The following CDH23 variants were observed in gnomAD, a reference collection of about 807,000 sequenced individuals.
CDH23 encodes the protein cadherin-23.
In CDH23, 189 loss-of-function variants were observed where a neutral mutation model predicts 317.1. The observed-to-expected ratio is 0.60, with a 90% CI of 0.53 to 0.67. The LOEUF (loss-of-function observed/expected upper bound fraction) is 0.67. Ranked by LOEUF, CDH23 falls within the 30% of genes least tolerant of loss-of-function variation. The pLI is 0.00. For synonymous variants in CDH23, 1,839 were observed against 1,876.8 expected (o/e 0.98, Z 0.52); for missense variants, 4,401 against 4,592.4 (o/e 0.96, Z 1.20).
At chr10:71,731,081 G>T (rs940362082) in intron 31 of CDH23, among the ~76,000 whole-genome samples, 9 of 152,352 alleles carry the variant, frequency 5.9e-5, no homozygotes, top group African/African-American at 2.2e-4. Context: ...TAGCCTGAAG[G>T]CAGCCTGAAC....
chr10:71,450,945 G>T lies in CDH23; in HGVS notation c.145+4550G>T, dbSNP rs143291813. On this transcript the variant is annotated intron_variant, in intron 3 of 69. Transcript: ENST00000224721. ...TCTCTACTCAACATTTCTGCCTGAT[G>T]TCTAAAGGGACATTTTCATCCTCAG... Among the ~76,000 whole-genome samples the T allele has an allele frequency of 3.7e-3, 559 of 152,232 alleles. 4 individuals carry two copies. The highest frequency in any genetic ancestry group is 0.013 in the African/African-American group (543 of 41,526).
Position 71,813,342 on chromosome 10 carries a change from C to G in CDH23, c.9732C>G (p.Ile3244Met). The G allele has an allele frequency of 6.4e-7, 1 of 1,551,592 alleles. No individual in the cohort carries two copies. The highest frequency in any genetic ancestry group is 8.7e-7 in the Non-Finnish European group (1 of 1,146,934). Residue 3244 changes from isoleucine (I) to methionine (M), a missense_variant, in exon 69 of 70, where the codon ATC becomes ATG. Physicochemically the swap from Ile to Met is conservative, Grantham distance 10. Coordinates refer to ENST00000224721, the MANE Select transcript of CDH23 (RefSeq NM_022124.6). The part of the protein sequence containing the change: ...VQKASSCHSS[I>M]SELIQTELDE... ...AAGCCTCCTCCTGCCACTCCTCCAT[C>G]TCTGAGGTAGCCGGCTGGGTGGCTG...
At chr10:71,607,793 C>T (rs2132493582) in intron 9 of CDH23, among the ~76,000 whole-genome samples, 1 of 152,292 alleles carries the variant, frequency 6.6e-6, no homozygotes, top group South Asian at 2.1e-4. Context: ...GTCCCAGCTA[C>T]TAGGGAGGCT....
At chr10:71,579,112 T>G (rs1205744989) in intron 9 of CDH23, among the ~76,000 whole-genome samples, 1 of 152,182 alleles carries the variant, frequency 6.6e-6, no homozygotes, top group Non-Finnish European at 1.5e-5. Flanking sequence ...AGTTAACGTA[T>G]GTAAAGTACC....
At chr10:71,696,848 C>T (rs1247209876) in intron 22 of CDH23, among the ~76,000 whole-genome samples, 1 of 152,222 alleles carries the variant, frequency 6.6e-6, no homozygotes, top group African/African-American at 2.4e-5. Flanking sequence ...CCAGGACCCT[C>T]GCCCTTTGAC....
intron 3 of CDH23, among the ~76,000 whole-genome samples, chr10:71,463,874 T>C (rs1215676271): frequency 1.3e-5 from 2 of 152,244 alleles, no homozygotes; most frequent in Admixed American, 1.3e-4. Flanking sequence ...GCCACTTCTT[T>C]GTAAGGAAGG....
At position 71,726,083 on chromosome 10, in the gene CDH23, G is replaced by A. The variant is rs149843104; in HGVS notation, c.3579+563G>A. 1.1e-3 allele frequency among the ~76,000 whole-genome samples: 171 copies of A among 152,170 alleles called. 1 individual carries two copies. Among genetic ancestry groups the A allele is most frequent in the African/African-American group, 3.8e-3 (159 of 41,506 alleles). ...AAATCAAATCAGCCTTAGTCCTCCC[G>A]AATGGCTGAAAACCTACACACAGAT... is the stretch of plus-strand genomic sequence containing the variant. On this transcript the variant is annotated intron_variant, in intron 30 of 69. Transcript: ENST00000224721.
At chr10:71,552,534 A>C (rs2132318625) in intron 6 of CDH23, among the ~76,000 whole-genome samples, 1 of 152,336 alleles carries the variant, frequency 6.6e-6, no homozygotes, top group East Asian at 1.9e-4. Context: ...GAAAAAAAAC[A>C]GGAAAGGGAG....
At chr10:71,579,794 T>C (rs148939746) in intron 9 of CDH23, among the ~76,000 whole-genome samples, 7 of 152,204 alleles carry the variant, frequency 4.6e-5, no homozygotes, top group African/African-American at 1.7e-4. Flanking sequence ...TTTTGCAAAT[T>C]GAGACACAGA....
Position 71,682,320 on chromosome 10 carries a change from A to G in CDH23, c.1859-125A>G, listed in dbSNP as rs1204005329. ...CGAGATGTTGAGGCTCCAGGTGTTC[A>G]GAAAACAAGCCAGAGCTGGCCCGGG... On this transcript the variant is annotated intron_variant, in intron 17 of 69. Coordinates refer to ENST00000224721, the MANE Select transcript of CDH23 (RefSeq NM_022124.6). 7.7e-6 allele frequency: 10 copies of G among 1,302,368 alleles called. No individual in the cohort carries two copies. In the South Asian group the frequency reaches 1.4e-4, roughly 18 times the overall value. The allele number at this position is 1,302,368 out of a possible 1,614,324, so 80.7% of individuals were successfully genotyped here.
chr10:71,614,784 G>C (rs1861094171), intron 9 of CDH23, among the ~76,000 whole-genome samples: 1 of 152,156 alleles, frequency 6.6e-6, no homozygotes, highest in African/African-American at 2.4e-5. Context: ...TAGTGATCTG[G>C]AGAAACCCAA....
chr10:71,815,335 G>C lies in CDH23; in HGVS notation c.*57G>C. The C allele has an allele frequency of 2.0e-6, 3 of 1,466,862 alleles. No homozygotes were observed. In the South Asian group the frequency reaches 4.2e-5, roughly 20 times the overall value. 90.9% of individuals were successfully genotyped at this position (1,466,862 alleles called of 1,614,324 possible). On this transcript the variant is annotated 3_prime_UTR_variant, in exon 70 of 70. Transcript: ENST00000224721. ...CACCCATCCACCGTCCCCTCCCAGG[G>C]AGCAAGGGCAGGGACAGGGCCGGTC... is the stretch of plus-strand genomic sequence containing the variant.
At chr10:71,717,578 T>C (rs1040537948) in intron 28 of CDH23, 4 of 152,266 alleles carry the variant, frequency 2.6e-5, no homozygotes, top group African/African-American at 9.7e-5. Flanking sequence ...TCTGGGGTTG[T>C]AATAAAAATG....
intron 38 of CDH23, among the ~76,000 whole-genome samples, chr10:71,774,051 G>GCGCGCA (rs1491406336): frequency 4.5e-5 from 4 of 88,456 alleles, no homozygotes; most frequent in African/African-American, 3.6e-5. Flanking sequence ...ATGCGCGCGC[G>GCGCGCA]CACACACACA....
chr10:71,464,931 C>T (rs1014306228), intron 3 of CDH23, among the ~76,000 whole-genome samples: 1 of 152,166 alleles, frequency 6.6e-6, no homozygotes, highest in Non-Finnish European at 1.5e-5. Context: ...TTATGGAGGG[C>T]CAATTAGGTG....
Position 71,751,256 on chromosome 10 carries a change from G to A in CDH23, c.4845+9335G>A, listed in dbSNP as rs1177149274. The A allele has an allele frequency of 6.2e-7, 1 of 1,609,528 alleles. No individual in the cohort carries two copies. The highest frequency in any genetic ancestry group is 8.5e-7 in the Non-Finnish European group (1 of 1,177,582). On this transcript the variant is annotated intron_variant, in intron 38 of 69. Coordinates refer to ENST00000224721, the MANE Select transcript of CDH23 (RefSeq NM_022124.6). The surrounding 1 kb of genome is among the most constrained non-coding windows in gnomAD (Gnocchi z 4.9). ...AGCCCACTGTCCCCCAGCTGGGCTA[G>A]ATGACCTCAAAGTTTGGAGAGTCAG...
At chr10:71,800,832 G>A (rs1589429635) in intron 53 of CDH23, 77 bp downstream of exon 53, 9 of 1,557,938 alleles carry the variant, frequency 5.8e-6, no homozygotes, top group Non-Finnish European at 7.8e-6. Flanking sequence ...CTAGCAAGTG[G>A]ACTGCTGCAG....
intron 3 of CDH23, among the ~76,000 whole-genome samples, chr10:71,490,707 G>A (rs192710407): frequency 3.8e-4 from 58 of 152,338 alleles, no homozygotes; most frequent in Non-Finnish European, 6.9e-4. Context: ...AGTAACGACT[G>A]ACACTTATTG....
rs929416134 is a variant in CDH23, at chr10:71,510,992, C to A, written c.327C>A (p.Asp109Glu). ...TCACCGTGGAGTTCTCTGTCAGCGA[C>A]CACCAGGGGGTGAGTGTTCCCTGGG... Reference protein sequence around the residue: ...SEFTVEFSVSDHQGVITRKVN... With the variant: ...SEFTVEFSVSEHQGVITRKVN... Residue 109 changes from aspartate (D) to glutamate (E), a missense_variant, in exon 5 of 70, where the codon GAC becomes GAA. Around this residue, in one of 3 missense-constraint regions of CDH23, gnomAD observed 3,068 missense variants for 3,203.3 expected, o/e 0.96. Transcript: ENST00000224721. 4 of 1,613,810 alleles carry A rather than the reference C, an allele frequency of 2.5e-6. No homozygotes were observed. Among genetic ancestry groups the A allele is most frequent in the South Asian group, 2.2e-5 (2 of 91,082 alleles).
Sources: allele counts gnomAD v4.1 joint callset (sites outside exome capture counted in the v4.1 genomes callset), GRCh38; gene constraint gnomAD v4.1.1; regional missense constraint gnomAD v4.1.1; non-coding constraint Gnocchi (gnomAD v3.1); transcripts MANE v1.5; gene names NCBI Gene and HGNC (gene_info 2026-07-23, HGNC 2026-07-21).